Variants in NRG1 observed in about 807,000 individuals in gnomAD.
The protein encoded by NRG1 is pro-neuregulin-1, membrane-bound isoform.
Under a neutral mutation model 63.8 loss-of-function variants are expected in NRG1, and 18 were observed. That is an observed-to-expected ratio of 0.28 (90% CI 0.19 to 0.42). NRG1 has a LOEUF of 0.42. Ranked by LOEUF, NRG1 falls within the 10% of genes least tolerant of loss-of-function variation. The probability of loss-of-function intolerance (pLI) is 1.00; values close to 1 mark genes in which losing one functional copy is unlikely to be tolerated. For missense variants in NRG1, 762 were observed against 814.7 expected (o/e 0.94, Z 0.79); for synonymous variants, 302 against 301.3 (o/e 1.00, Z -0.02).
At chr8:31,717,704 C>G (rs1812496930) in intron 1 of NRG1, among the ~76,000 whole-genome samples, 1 of 152,066 alleles carries the variant, frequency 6.6e-6, no homozygotes, top group East Asian at 1.9e-4. Flanking sequence ...AACTTTAAAA[C>G]AGTAAATTTG....
intron 1 of NRG1, among the ~76,000 whole-genome samples, chr8:32,394,002 T>C (rs1258043581): frequency 1.3e-5 from 2 of 152,242 alleles, no homozygotes; most frequent in Non-Finnish European, 2.9e-5. Flanking sequence ...CTAATATTTA[T>C]ATTCTGTAGG....
rs1828744644 is a variant in NRG1, at chr8:31,864,289, C to A, written c.37+224858C>A. Among the ~76,000 whole-genome samples the A allele has an allele frequency of 2.0e-5, 3 of 152,238 alleles. 1 individual carries two copies. In the South Asian group the frequency reaches 6.2e-4, roughly 32 times the overall value. On this transcript the variant is annotated intron_variant, in intron 1 of 10. Coordinates refer to the NRG1 transcript ENST00000519301. The stretch of plus-strand genomic sequence containing the variant: ...AGCAGAACAAAAGACATGGTCCTTC[C>A]CTCATAGAGCTTACCTCTTAGTGCA...
intron 1 of NRG1, among the ~76,000 whole-genome samples, chr8:32,242,400 G>A (rs1215168998): frequency 1.3e-5 from 2 of 152,154 alleles, no homozygotes; most frequent in African/African-American, 4.8e-5. Context: ...CTTGAACCCG[G>A]GAGGCGGAGG....
chr8:32,042,701 A>G (rs1265803743), intron 1 of NRG1, among the ~76,000 whole-genome samples: 1 of 152,196 alleles, frequency 6.6e-6, no homozygotes, highest in Non-Finnish European at 1.5e-5. Context: ...AAGAAATAAA[A>G]GAAATACAGA....
At chr8:31,959,128 T>C (rs10808315) in intron 1 of NRG1, among the ~76,000 whole-genome samples, 112,016 of 152,122 alleles carry the variant, frequency 0.74, 42,237 homozygotes, top group Non-Finnish European at 0.82. Flanking sequence ...TACTGGTTGC[T>C]CAATAAATAC....
intron 1 of NRG1, among the ~76,000 whole-genome samples, chr8:32,053,784 A>G (rs1365339830): frequency 6.6e-6 from 1 of 152,212 alleles, no homozygotes; most frequent in Non-Finnish European, 1.5e-5. Flanking sequence ...CTTCTCAGGC[A>G]AAGCAGGAAT....
intron 1 of NRG1, among the ~76,000 whole-genome samples, chr8:31,725,035 A>C (rs1310481197): frequency 6.6e-6 from 1 of 152,172 alleles, no homozygotes; most frequent in Non-Finnish European, 1.5e-5. Context: ...CAGAAATTTG[A>C]ATTTCATGTA....
intron 1 of NRG1, among the ~76,000 whole-genome samples, chr8:31,670,333 T>A (rs1328832733): frequency 1.3e-5 from 2 of 152,130 alleles, no homozygotes; most frequent in Non-Finnish European, 2.9e-5. Context: ...ATCCCTGAGC[T>A]CCTACACTGC....
intron 1 of NRG1, among the ~76,000 whole-genome samples, chr8:32,498,677 C>T (rs6980670): frequency 0.043 from 6,581 of 152,202 alleles, 496 homozygotes; most frequent in African/African-American, 0.15. Context: ...GGTGGGGACA[C>T]AGCCAAACCA....
intron 1 of NRG1, among the ~76,000 whole-genome samples, chr8:31,990,382 G>C (rs1163921788): frequency 6.6e-6 from 1 of 152,074 alleles, no homozygotes; most frequent in African/African-American, 2.4e-5. Flanking sequence ...ATGGAAGAGA[G>C]AGTTTTATAT....
chr8:31,796,540 C>T (rs1282513757), intron 1 of NRG1, among the ~76,000 whole-genome samples: 1 of 148,224 alleles, frequency 6.7e-6, no homozygotes, highest in Non-Finnish European at 1.5e-5. Flanking sequence ...CCACACCATT[C>T]TCCCGCCTTA....
intron 1 of NRG1, among the ~76,000 whole-genome samples, chr8:31,727,910 A>G (rs962521490): frequency 2.0e-5 from 3 of 152,150 alleles, no homozygotes; most frequent in African/African-American, 7.2e-5. Context: ...AATAAAGGTG[A>G]TTTGTACAAG....
chr8:32,441,932 G>C (rs16879400), intron 1 of NRG1, among the ~76,000 whole-genome samples: 1,955 of 152,136 alleles, frequency 0.013, 37 homozygotes, highest in African/African-American at 0.045. Context: ...GAATTGATGT[G>C]AGAATTCAAA....
At chr8:32,589,472 T>G (rs2129535481) in intron 1 of NRG1, among the ~76,000 whole-genome samples, 1 of 152,332 alleles carries the variant, frequency 6.6e-6, no homozygotes, top group African/African-American at 2.4e-5. Flanking sequence ...TTTTACACAT[T>G]TATGCAGGGA....
intron 1 of NRG1, among the ~76,000 whole-genome samples, chr8:31,878,222 C>T (rs970394584): frequency 6.6e-5 from 10 of 152,094 alleles, no homozygotes; most frequent in Non-Finnish European, 1.3e-4. Flanking sequence ...TTTTCTATTG[C>T]TATATATGGA....
intron 1 of NRG1, among the ~76,000 whole-genome samples, chr8:31,869,541 A>G (rs1355078019): frequency 2.0e-5 from 3 of 152,202 alleles, no homozygotes; most frequent in Non-Finnish European, 4.4e-5. Context: ...TTGGTCAAGG[A>G]AAGGCTTTGT....
chr8:31,867,721 G>A (rs767314602), intron 1 of NRG1, among the ~76,000 whole-genome samples: 6 of 151,948 alleles, frequency 3.9e-5, no homozygotes, highest in South Asian at 2.1e-4. Context: ...TTCTGGTTTC[G>A]GTTCTTTTGG....
At chr8:32,372,374 T>C (rs1255950283) in intron 1 of NRG1, among the ~76,000 whole-genome samples, 3 of 152,090 alleles carry the variant, frequency 2.0e-5, no homozygotes, top group Non-Finnish European at 4.4e-5. Context: ...TAACAAGTTC[T>C]CTGCCCTTCG....
Position 31,889,972 on chromosome 8 carries a change from G to C in NRG1, c.37+250541G>C, listed in dbSNP as rs528420236. ...AGTGAAAAAAAAGAAAGAAAAAAGGGAAACAGCCATGAGACAGGATTTCAC... is the reference window on the plus strand; with the variant it reads ...AGTGAAAAAAAAGAAAGAAAAAAGGCAAACAGCCATGAGACAGGATTTCAC... On this transcript the variant is annotated intron_variant, in intron 1 of 10. Coordinates refer to the NRG1 transcript ENST00000519301. Among the ~76,000 whole-genome samples the C allele has an allele frequency of 5.2e-4, 79 of 152,254 alleles. 1 individual carries two copies. Among genetic ancestry groups the C allele is most frequent in the African/African-American group, 1.7e-3 (69 of 41,552 alleles).
Sources: allele counts gnomAD v4.1 joint callset (sites outside exome capture counted in the v4.1 genomes callset), GRCh38; gene constraint gnomAD v4.1.1; transcripts MANE v1.5; gene names NCBI Gene and HGNC (gene_info 2026-07-23, HGNC 2026-07-21).